Variants in LAMA1 observed in about 807,000 individuals in gnomAD.
LAMA1 encodes laminin subunit alpha 1, also known as laminin subunit alpha-1.
LAMA1 carries 219 observed loss-of-function variants against 348.7 expected under a neutral mutation model. The ratio of observed to expected loss-of-function variants is 0.63; its 90% confidence interval spans 0.56 to 0.70. The LOEUF (loss-of-function observed/expected upper bound fraction) is 0.70, where lower values mean the gene tolerates loss of function less well. Ranked by LOEUF, LAMA1 falls within the 30% of genes least tolerant of loss-of-function variation. The pLI, the probability that LAMA1 is intolerant of heterozygous loss-of-function variation, is 0.00. For missense variants in LAMA1, 3,744 were observed against 3,888.0 expected, an observed-to-expected ratio of 0.96 and a Z score of 0.99; for synonymous variants, 1,487 against 1,491.0, an observed-to-expected ratio of 1.00 and a Z score of 0.06.
intron 43 of LAMA1, 87 bp from the exon 44 acceptor site, chr18:6,977,968 G>C: frequency 7.0e-7 from 1 of 1,426,662 alleles, no homozygotes; most frequent in Non-Finnish European, 9.7e-7. Flanking sequence ...CAATGCACTT[G>C]GTAAAACAAC....
At chr18:6,949,054 C>T in intron 59 of LAMA1, 47 bp downstream of exon 59, 1 of 1,611,732 alleles carries the variant, frequency 6.2e-7, no homozygotes, top group Non-Finnish European at 8.5e-7. Context: ...ACAAAATAAA[C>T]ACGAACACAA....
At chr18:6,992,867 C>G (rs1399939171) in intron 35 of LAMA1, 147 bp from the exon 36 acceptor site, 1 of 655,356 alleles carries the variant, frequency 1.5e-6, no homozygotes, top group East Asian at 2.7e-5. Context: ...CCTGGCATAT[C>G]CCAGTGTACT....
At chr18:6,971,512 G>T (rs2057658249) in intron 48 of LAMA1, among the ~76,000 whole-genome samples, 1 of 152,134 alleles carries the variant, frequency 6.6e-6, no homozygotes, top group Non-Finnish European at 1.5e-5. Flanking sequence ...TAGGGTTTAT[G>T]ATCCATGATC....
chr18:6,956,920 G>A, intron 55 of LAMA1, 155 bp from the exon 56 acceptor site: 1 of 775,118 alleles, frequency 1.3e-6, no homozygotes, highest in South Asian at 1.6e-5. Context: ...CTGTGACTCA[G>A]AGTCCAAACA....
At chr18:6,961,842 C>T in intron 52 of LAMA1, 83 bp from the exon 53 acceptor site, 2 of 1,577,428 alleles carry the variant, frequency 1.3e-6, no homozygotes, top group Non-Finnish European at 1.7e-6. Flanking sequence ...CTGATTTCCC[C>T]ATCATCTCTT....
At chr18:6,944,939 G>A (rs985529007) in intron 61 of LAMA1, among the ~76,000 whole-genome samples, 4 of 152,010 alleles carry the variant, frequency 2.6e-5, no homozygotes, top group Non-Finnish European at 5.9e-5. Flanking sequence ...AACTAAAAAT[G>A]TTAAAAAAGA....
chr18:7,019,674 CTTTTTTTTT>C (rs35235323), intron 19 of LAMA1, among the ~76,000 whole-genome samples: 3 of 94,548 alleles, frequency 3.2e-5, no homozygotes, highest in Admixed American at 1.3e-4. Flanking sequence ...TATGGTAATT[CTTTTTTTTT>C]TTTTTTTTTT....
rs761176408 is a variant in LAMA1 at position 6,958,516 on chromosome 18, G to A, written c.7925C>T (p.Ser2642Leu). Residue 2642 changes from serine (S) to leucine (L), a missense_variant, in exon 55 of 63, where the codon TCG becomes TTG. Physicochemically the swap from Ser to Leu is moderately radical, Grantham distance 145. Around this residue, in one of 3 missense-constraint regions of LAMA1, gnomAD observed 1,983 missense variants for 1,934.3 expected, o/e 1.03. Transcript: ENST00000389658. The stretch of plus-strand genomic sequence containing the variant: ...CAGGTTTTTGATACAGCCATGGAAC[G>A]ATCTTCTCATTGTGAGCAGTGACGT... ...EGTSLLTMRR[S>L]FHGCIKNLIF... 36 of 1,614,014 alleles carry A rather than the reference G, an allele frequency of 2.2e-5. No individual in the cohort carries two copies. The East Asian group carries it at 4.0e-4, about 18-fold the overall frequency.
chr18:7,048,879 T>C (rs1312595928), intron 5 of LAMA1, among the ~76,000 whole-genome samples, 199 bp downstream of exon 5: 2 of 152,132 alleles, frequency 1.3e-5, no homozygotes, highest in African/African-American at 4.8e-5. Context: ...CCTAAGGATA[T>C]GATTTTGGCC....
chr18:6,982,092 T>G (rs975657449), intron 41 of LAMA1, among the ~76,000 whole-genome samples: 1 of 152,114 alleles, frequency 6.6e-6, no homozygotes, highest in Non-Finnish European at 1.5e-5. Context: ...TAATATGATA[T>G]TAGTTCCATG....
chr18:7,006,511 C>T (rs2057832552), intron 29 of LAMA1, among the ~76,000 whole-genome samples: 1 of 152,198 alleles, frequency 6.6e-6, no homozygotes, highest in Admixed American at 6.5e-5. Flanking sequence ...TTGACTACGG[C>T]AACCAGTACT....
intron 57 of LAMA1, among the ~76,000 whole-genome samples, chr18:6,952,940 T>C (rs1347065244): frequency 2.9e-4 from 38 of 129,618 alleles, no homozygotes; most frequent in African/African-American, 6.3e-4. Context: ...CTGTGTCCAG[T>C]GGATCCACAC....
At chr18:7,033,787 T>C (rs1000303386) in intron 14 of LAMA1, among the ~76,000 whole-genome samples, 1 of 151,600 alleles carries the variant, frequency 6.6e-6, no homozygotes, top group Non-Finnish European at 1.5e-5. Context: ...CCAGCTGGAG[T>C]GCAGTGCCTT....
intron 16 of LAMA1, among the ~76,000 whole-genome samples, chr18:7,030,122 G>A (rs1355283648): frequency 1.3e-5 from 2 of 152,020 alleles, no homozygotes; most frequent in Non-Finnish European, 2.9e-5. Flanking sequence ...CTTCAGAGTG[G>A]AAAAACCTAG....
chr18:7,031,745 T>C lies in LAMA1; in HGVS notation c.2274+321A>G, dbSNP rs2057970075. Among the ~76,000 whole-genome samples the C allele has an allele frequency of 2.0e-5, 3 of 150,360 alleles. No homozygotes were observed. In the South Asian group the frequency reaches 6.3e-4, roughly 31 times the overall value. On this transcript the variant is annotated intron_variant, in intron 16 of 62. Coordinates refer to ENST00000389658, the MANE Select transcript of LAMA1 (RefSeq NM_005559.4). ...GATCCTATGCTTTGTATTTAATAAG[T>C]AGACAACATTTTTTTACCTTTCTAT...
At chr18:7,019,166 C>T (rs1434386521) in intron 19 of LAMA1, among the ~76,000 whole-genome samples, 1 of 152,106 alleles carries the variant, frequency 6.6e-6, no homozygotes, top group Non-Finnish European at 1.5e-5. Context: ...GTCCTCCTGG[C>T]CCCTTGTCTG....
At chr18:7,042,826 T>C (rs1405881452) in intron 8 of LAMA1, 1 of 203,018 alleles carries the variant, frequency 4.9e-6, no homozygotes, top group Non-Finnish European at 1.0e-5. Context: ...GAGGTTGCAG[T>C]GAGCCGAGAT....
In LAMA1 at chr18:7,117,765, G is replaced by C; in HGVS notation, c.-45C>G. The C allele has an allele frequency of 6.4e-7, 1 of 1,555,964 alleles. No individual in the cohort carries two copies. Among genetic ancestry groups the C allele is most frequent in the Non-Finnish European group, 8.7e-7 (1 of 1,151,526 alleles). On this transcript the variant is annotated 5_prime_UTR_variant, in exon 1 of 63. Coordinates refer to ENST00000389658, the MANE Select transcript of LAMA1 (RefSeq NM_005559.4). ...GGTGGGTCTGGGGAGAAAGCCGCGC[G>C]CCCGCCTGGAACGCTCCACGGGACG...
chr18:6,966,391 G>C (rs1280650117), intron 48 of LAMA1, 94 bp from the exon 49 acceptor site: 15 of 1,044,024 alleles, frequency 1.4e-5, no homozygotes, highest in Non-Finnish European at 2.2e-5. Flanking sequence ...AAAGATCACT[G>C]TAGAGCTATT....
Sources: gnomAD v4.1 joint callset for allele counts (sites outside exome capture counted in the v4.1 genomes callset) on GRCh38, gnomAD v4.1.1 for gene constraint, gnomAD v4.1.1 regional missense constraint, MANE v1.5 for transcripts, NCBI Gene and HGNC (gene_info 2026-07-23, HGNC 2026-07-21) for gene names.